Variants in KDM4C observed in about 807,000 individuals in gnomAD.
KDM4C encodes the protein lysine-specific demethylase 4C.
A neutral mutation model predicts 129.3 loss-of-function variants in KDM4C; 81 were observed. The observed-to-expected ratio is 0.63, with a 90% CI of 0.52 to 0.75. KDM4C has a LOEUF of 0.75. Ranked by LOEUF, KDM4C falls within the 30% of genes least tolerant of loss-of-function variation. The pLI is 0.00. For missense variants in KDM4C, 1,457 were observed against 1,304.0 expected, an observed-to-expected ratio of 1.12 and a Z score of -1.81; for synonymous variants, 573 against 456.1, an observed-to-expected ratio of 1.26 and a Z score of -3.26.
At chr9:6,980,692 T>G (rs181192979) in intron 8 of KDM4C, among the ~76,000 whole-genome samples, 1 of 152,180 alleles carries the variant, frequency 6.6e-6, no homozygotes, top group Non-Finnish European at 1.5e-5. Flanking sequence ...TAGTACATAG[T>G]TCCCTGTGAG....
chr9:7,146,194 A>T (rs1307803613), intron 19 of KDM4C, among the ~76,000 whole-genome samples: 2 of 152,260 alleles, frequency 1.3e-5, no homozygotes, highest in African/African-American at 4.8e-5. Context: ...AAATATAAAT[A>T]TGCAAGGGAA....
upstream of KDM4C, chr9:6,757,883 C>G (rs867343746): frequency 3.0e-6 from 3 of 985,414 alleles, no homozygotes; most frequent in East Asian, 1.1e-4. Flanking sequence ...AAGAGCGTGC[C>G]GGGCACCTTT....
At chr9:6,739,224 A>C (rs543118183) in intron 1 of KDM4C, among the ~76,000 whole-genome samples, 60 of 151,344 alleles carry the variant, frequency 4.0e-4, no homozygotes, top group Non-Finnish European at 8.1e-4. Flanking sequence ...AGGCGCCCAC[A>C]TCCATGCCCA....
intron 1 of KDM4C, among the ~76,000 whole-genome samples, chr9:6,749,986 CAAAAAAAAAAAAAA>C (rs57999664): frequency 1.8e-5 from 1 of 55,604 alleles, no homozygotes; most frequent in Non-Finnish European, 4.2e-5. Context: ...AACTCCTTCT[CAAAAAAAAAAAAAA>C]AAAAAAAAAA....
intron 8 of KDM4C, among the ~76,000 whole-genome samples, chr9:6,965,251 G>C (rs1830743362): frequency 1.3e-5 from 2 of 151,216 alleles, no homozygotes; most frequent in South Asian, 2.1e-4. Context: ...GAAAAAAAAA[G>C]TCTAAAACCA....
intron 17 of KDM4C, among the ~76,000 whole-genome samples, chr9:7,089,893 GA>G (rs1439968878): frequency 6.6e-6 from 1 of 152,240 alleles, no homozygotes; most frequent in African/African-American, 2.4e-5. Context: ...TCTCATGAGG[GA>G]TTTTGAATGG....
intron 5 of KDM4C, among the ~76,000 whole-genome samples, chr9:6,853,024 G>GT (rs948778445): frequency 2.0e-5 from 3 of 151,146 alleles, no homozygotes; most frequent in South Asian, 2.1e-4. Context: ...CCATGGTTTT[G>GT]TTTTTTTTGT....
chr9:7,095,318 T>C (rs1183431171), intron 17 of KDM4C, among the ~76,000 whole-genome samples: 1 of 152,264 alleles, frequency 6.6e-6, no homozygotes, highest in East Asian at 1.9e-4. Flanking sequence ...CCTTTCATGC[T>C]GTTGGATATT....
rs76274844 is a variant in KDM4C, at chr9:6,793,119, C to A, written c.131C>A (p.Ala44Glu). The A allele has an allele frequency of 6.2e-7, 1 of 1,613,500 alleles. No homozygotes were observed. The highest frequency in any genetic ancestry group is 1.3e-5 in the African/African-American group (1 of 74,826). Residue 44 changes from alanine (A) to glutamate (E), a missense_variant, in exon 2 of 22, where the codon GCG becomes GAG. Transcript: ENST00000381309. ...AYMESKGAHRAGLAKVIPPKE... is the reference protein window; with the variant it reads ...AYMESKGAHREGLAKVIPPKE... ...ATGGAGTCTAAAGGAGCCCATCGTG[C>A]GGGTCTTGCAAAGGTGATTATCCTT...
intron 15 of KDM4C, among the ~76,000 whole-genome samples, chr9:7,031,168 T>TTATTTATG (rs1371229395): frequency 2.5e-4 from 20 of 78,614 alleles, no homozygotes; most frequent in African/African-American, 8.6e-4. Flanking sequence ...ATTTATTTAT[T>TTATTTATG]TATGTATGTT....
intron 8 of KDM4C, among the ~76,000 whole-genome samples, chr9:6,945,196 G>A (rs1024630526): frequency 6.6e-6 from 1 of 152,098 alleles, no homozygotes; most frequent in African/African-American, 2.4e-5. Flanking sequence ...ACACAAGGAA[G>A]CTTGTTTTCT....
At chr9:6,755,983 G>T (rs1477102683), upstream of KDM4C, among the ~76,000 whole-genome samples, 4 of 152,148 alleles carry the variant, frequency 2.6e-5, no homozygotes, top group Admixed American at 6.5e-5. Context: ...ATCCACTTCA[G>T]TTCTTCAGGT....
At chr9:7,050,862 T>C (rs1224871680) in intron 17 of KDM4C, among the ~76,000 whole-genome samples, 1 of 152,218 alleles carries the variant, frequency 6.6e-6, no homozygotes, top group Non-Finnish European at 1.5e-5. Flanking sequence ...CAGGGTGTTA[T>C]ATCTAGAAAT....
chr9:6,785,520 G>A (rs1459274727), intron 1 of KDM4C, among the ~76,000 whole-genome samples: 1 of 152,078 alleles, frequency 6.6e-6, no homozygotes, highest in Non-Finnish European at 1.5e-5. Context: ...TGTATTTTTA[G>A]TAGAGACAGG....
chr9:7,126,019 A>G (rs556334162), intron 18 of KDM4C, among the ~76,000 whole-genome samples: 1 of 152,350 alleles, frequency 6.6e-6, no homozygotes, highest in African/African-American at 2.4e-5. Context: ...TTATCTTGAA[A>G]ATCAAAACAA....
At chr9:7,145,437 G>C (rs189388855) in intron 19 of KDM4C, among the ~76,000 whole-genome samples, 122 of 152,222 alleles carry the variant, frequency 8.0e-4, no homozygotes, top group African/African-American at 2.9e-3. Flanking sequence ...CTGATGGGGG[G>C]CGCACTCCCC....
At position 6,867,302 on chromosome 9, in the gene KDM4C, C is replaced by T. The variant is rs568948511; in HGVS notation, c.630-12710C>T. Among the ~76,000 whole-genome samples, 25 of 152,288 alleles carry T rather than the reference C, an allele frequency of 1.6e-4. 1 individual carries two copies. The highest frequency in any genetic ancestry group is 1.2e-3 in the Admixed American group (19 of 15,294). On this transcript the variant is annotated intron_variant, in intron 5 of 21. Coordinates refer to ENST00000381309, the MANE Select transcript of KDM4C (RefSeq NM_015061.6). ...GTGCTGGGATTACAGGCGTGAGCCG[C>T]TGCGCCCGGCCAGTGCTGCATATTT...
chr9:6,753,530 T>C (rs999812260), upstream of KDM4C, among the ~76,000 whole-genome samples: 1 of 152,176 alleles, frequency 6.6e-6, no homozygotes, highest in Non-Finnish European at 1.5e-5. Flanking sequence ...TGCCTCAGCC[T>C]CCCAGAGTGC....
chr9:7,021,777 C>T (rs578089404), intron 15 of KDM4C, among the ~76,000 whole-genome samples: 2 of 152,258 alleles, frequency 1.3e-5, no homozygotes, highest in South Asian at 4.1e-4. Flanking sequence ...TTAGTAGTTT[C>T]ATAGTTTCAG....
Sources: gnomAD v4.1 joint callset for allele counts (sites outside exome capture counted in the v4.1 genomes callset) on GRCh38, gnomAD v4.1.1 for gene constraint, MANE v1.5 for transcripts, NCBI Gene and HGNC (gene_info 2026-07-23, HGNC 2026-07-21) for gene names.